Variants in CKMT2 observed in about 807,000 individuals in gnomAD.
CKMT2 encodes the protein creatine kinase S-type, mitochondrial.
In CKMT2, 43 loss-of-function variants were observed where a neutral mutation model predicts 48.9. That is an observed-to-expected ratio of 0.88 (90% CI 0.69 to 1.13). The LOEUF (loss-of-function observed/expected upper bound fraction) is 1.13, where lower values mean the gene tolerates loss of function less well. CKMT2 is among the 50% of genes most tolerant of loss of function. The probability of loss-of-function intolerance (pLI) is 0.00; values close to 1 mark genes in which losing one functional copy is unlikely to be tolerated. For synonymous variants in CKMT2, 206 were observed against 213.0 expected, an observed-to-expected ratio of 0.97 and a Z score of 0.29; for missense variants, 472 against 555.4, an observed-to-expected ratio of 0.85 and a Z score of 1.51.
chr5:81,258,059 T>G (rs929892122), intron 7 of CKMT2: 1 of 427,672 alleles, frequency 2.3e-6, no homozygotes, highest in African/African-American at 2.0e-5. Context: ...CCACCACACC[T>G]GGCTAATTTT....
chr5:81,243,622 G>A (rs1756509130), intron 1 of CKMT2, among the ~76,000 whole-genome samples: 1 of 152,160 alleles, frequency 6.6e-6, no homozygotes, highest in Non-Finnish European at 1.5e-5. Context: ...GTGTCCTGAT[G>A]TTCTGGGCCC....
chr5:81,260,069 T>C lies in CKMT2; in HGVS notation c.1014+815T>C, dbSNP rs549531476. On this transcript the variant is annotated intron_variant, in intron 8 of 9. Coordinates refer to ENST00000254035, the MANE Select transcript of CKMT2 (RefSeq NM_001099735.2). ...TAGAACTCAAGATTAAGAAACTCAC[T>C]CAAAACCGCACGAATACATGGAAAT... 2.0e-5 allele frequency among the ~76,000 whole-genome samples: 3 copies of C among 152,250 alleles called. No homozygotes were observed. The East Asian group carries it at 5.8e-4, about 29-fold the overall frequency.
chr5:81,244,168 G>A, intron 1 of CKMT2: 1 of 985,436 alleles, frequency 1.0e-6, no homozygotes, highest in Non-Finnish European at 1.2e-6. Context: ...TAGGCCAGCA[G>A]GCCACTTTTC....
chr5:81,235,073 T>C (rs1229449130), intron 1 of CKMT2, among the ~76,000 whole-genome samples: 1 of 152,192 alleles, frequency 6.6e-6, no homozygotes, highest in Non-Finnish European at 1.5e-5. Context: ...AAGGACTAGA[T>C]GGCTCCTAGC....
At chr5:81,254,372 A>G in intron 3 of CKMT2, 24 bp from the exon 4 acceptor site, 1 of 1,593,938 alleles carries the variant, frequency 6.3e-7, no homozygotes, top group Non-Finnish European at 8.6e-7. Flanking sequence ...GTTAAAGAGG[A>G]AACACCCATC....
intron 1 of CKMT2, among the ~76,000 whole-genome samples, chr5:81,241,426 CTT>C (rs1344036888): frequency 1.3e-5 from 2 of 152,160 alleles, no homozygotes; most frequent in African/African-American, 2.4e-5. Context: ...ACCTAGGACT[CTT>C]TTCCTGCAAG....
At chr5:81,262,430 A>G (rs973086116) in intron 8 of CKMT2, among the ~76,000 whole-genome samples, 4 of 152,170 alleles carry the variant, frequency 2.6e-5, no homozygotes, top group Non-Finnish European at 5.9e-5. Context: ...TTTGCAATCT[A>G]TCCATCTGAC....
At chr5:81,242,224 T>C (rs1561277226) in intron 1 of CKMT2, 2 of 245,470 alleles carry the variant, frequency 8.1e-6, no homozygotes. Flanking sequence ...GTGGCTTTTA[T>C]TGATAGGATT....
At chr5:81,265,205 A>C (rs904754098) in intron 9 of CKMT2, among the ~76,000 whole-genome samples, 1 of 152,182 alleles carries the variant, frequency 6.6e-6, no homozygotes, top group Non-Finnish European at 1.5e-5. Context: ...TGAGTGAGAG[A>C]CCTATCTCAC....
At chr5:81,261,481 T>TTGA (rs1159670284) in intron 8 of CKMT2, among the ~76,000 whole-genome samples, 1 of 152,088 alleles carries the variant, frequency 6.6e-6, no homozygotes, top group African/African-American at 2.4e-5. Flanking sequence ...AAATCTTAAG[T>TTGA]TGATAAGCAA....
chr5:81,256,861 T>C (rs1757028251), intron 5 of CKMT2, 54 bp from the exon 6 acceptor site: 13 of 1,310,118 alleles, frequency 9.9e-6, no homozygotes, highest in Non-Finnish European at 1.4e-5. Flanking sequence ...GCACTTGCAG[T>C]CCTGTTTGAT....
chr5:81,255,289 T>G, intron 5 of CKMT2, 75 bp downstream of exon 5: 1 of 1,344,088 alleles, frequency 7.4e-7, no homozygotes, highest in Non-Finnish European at 1.0e-6. Context: ...CCTCTCCTGG[T>G]GCTCTGCTCA....
chr5:81,234,096 A>G (rs1441915642), intron 1 of CKMT2, among the ~76,000 whole-genome samples: 2 of 129,322 alleles, frequency 1.5e-5, no homozygotes, highest in Admixed American at 1.7e-4. Flanking sequence ...CCTGTTCTTC[A>G]CTAGCTTGCT....
chr5:81,255,440 C>T (rs1333165280), intron 5 of CKMT2, among the ~76,000 whole-genome samples: 1 of 152,200 alleles, frequency 6.6e-6, no homozygotes, highest in Non-Finnish European at 1.5e-5. Context: ...ATAAAATCTG[C>T]ATAGGAAACT....
chr5:81,235,998 G>A (rs938451087), intron 1 of CKMT2: 1 of 152,318 alleles, frequency 6.6e-6, no homozygotes, highest in African/African-American at 2.4e-5. Context: ...GGTGAGAGCT[G>A]GAGACCACCT....
intron 8 of CKMT2, among the ~76,000 whole-genome samples, chr5:81,259,610 T>G (rs775944569): frequency 6.6e-6 from 1 of 152,274 alleles, no homozygotes; most frequent in East Asian, 1.9e-4. Context: ...CCTGAAGGAC[T>G]TGGTAAAACA....
At chr5:81,239,650 T>TG (rs1756368961) in intron 1 of CKMT2, among the ~76,000 whole-genome samples, 1 of 152,168 alleles carries the variant, frequency 6.6e-6, no homozygotes, top group Admixed American at 6.5e-5. Context: ...TTGGTATGCT[T>TG]AAGACCTGAC....
At chr5:81,241,628 G>A (rs2112785327) in intron 1 of CKMT2, among the ~76,000 whole-genome samples, 2 of 152,284 alleles carry the variant, frequency 1.3e-5, no homozygotes, top group East Asian at 1.9e-4. Flanking sequence ...AACACAAATG[G>A]TCACCAGGTG....
chr5:81,244,021 T>G, intron 1 of CKMT2: 2 of 985,236 alleles, frequency 2.0e-6, no homozygotes, highest in Non-Finnish European at 2.4e-6. Context: ...AGTTGACATT[T>G]GCCTCTTTCC....
Sources: gnomAD v4.1 joint callset for allele counts (sites outside exome capture counted in the v4.1 genomes callset) on GRCh38, gnomAD v4.1.1 for gene constraint, MANE v1.5 for transcripts, NCBI Gene and HGNC (gene_info 2026-07-23, HGNC 2026-07-21) for gene names.